PRX: variants seen among roughly 807,000 people sequenced by gnomAD.
PRX encodes the protein periaxin.
In PRX, 24 loss-of-function variants were observed where a neutral mutation model predicts 29.6. The observed-to-expected ratio is 0.81, with a 90% CI of 0.59 to 1.14. PRX has a LOEUF of 1.14. Ranked by LOEUF, PRX falls within the 50% of genes most tolerant of loss-of-function variation. The probability of loss-of-function intolerance (pLI) is 0.00; values close to 1 mark genes in which losing one functional copy is unlikely to be tolerated. For synonymous variants in PRX, 772 were observed against 831.7 expected, an observed-to-expected ratio of 0.93 and a Z score of 1.24; for missense variants, 1,838 against 1,926.4, an observed-to-expected ratio of 0.95 and a Z score of 0.86.
intron 4 of PRX, among the ~76,000 whole-genome samples, chr19:40,404,488 G>A (rs973800298): frequency 5.3e-5 from 8 of 152,084 alleles, no homozygotes; most frequent in Non-Finnish European, 8.8e-5. Flanking sequence ...AGCCAAATGG[G>A]GTATAGAAGG....
rs1385769822 is a variant in PRX, at chr19:40,395,847, G to A, written c.2505C>T (p.Pro835=). ...AEVSGKLVTL[P]CLQPEVDGEA... ...CACCATCCACCTCTGGCTGCAGACA[G>A]GGAAGTGTTACCAGCTTCCCTGAGA... is the stretch of plus-strand genomic sequence containing the variant. The change falls in exon 7 of 7, where the codon CCC becomes CCT. Residue 835 remains proline, a synonymous_variant. Coordinates refer to ENST00000324001, the MANE Select transcript of PRX (RefSeq NM_181882.3). The A allele has an allele frequency of 3.1e-6, 5 of 1,614,082 alleles. No individual in the cohort carries two copies. Among genetic ancestry groups the A allele is most frequent in the East Asian group, 2.2e-5 (1 of 44,890 alleles).
Position 40,395,702 on chromosome 19 carries a change from C to A in PRX, c.2650G>T (p.Gly884Cys), listed in dbSNP as rs781036230. The change falls in exon 7 of 7, where the codon GGC becomes TGC. Residue 884 changes from glycine to cysteine, a missense_variant. Gly to Cys is a radical substitution (Grantham distance 159). Around this residue, in one of 3 missense-constraint regions of PRX, gnomAD observed 1,143 missense variants for 1,193.0 expected, o/e 0.96. Coordinates refer to ENST00000324001, the MANE Select transcript of PRX (RefSeq NM_181882.3). Reference sequence around the variant, plus strand: ...CTGACCCCTGCTGCCACCTCAGGGCCCTCCACCCGCTCTCCCTTGCCCATT... The same window carrying A: ...CTGACCCCTGCTGCCACCTCAGGGCACTCCACCCGCTCTCCCTTGCCCATT... Reference protein sequence around the residue: ...AKMGKGERVEGPEVAAGVREV... With the variant: ...AKMGKGERVECPEVAAGVREV... 6.2e-7 allele frequency: 1 copy of A among 1,613,904 alleles called. No homozygotes were observed. Among genetic ancestry groups the A allele is most frequent in the African/African-American group, 1.3e-5 (1 of 74,880 alleles).
chr19:40,402,839 G>C (rs1282233143), intron 5 of PRX, among the ~76,000 whole-genome samples: 2 of 150,678 alleles, frequency 1.3e-5, no homozygotes, highest in East Asian at 2.0e-4. Flanking sequence ...CTGTTGTTCA[G>C]TTTTGTTCAC....
intron 1 of PRX, 29 bp downstream of exon 1, chr19:40,413,309 G>A (rs2079567343): frequency 6.6e-6 from 1 of 152,386 alleles, no homozygotes; most frequent in Non-Finnish European, 1.5e-5. Flanking sequence ...AGCCTGGCCA[G>A]GGAAGGGACC....
intron 1 of PRX, among the ~76,000 whole-genome samples, chr19:40,411,995 G>C (rs2079560527): frequency 6.6e-6 from 1 of 152,232 alleles, no homozygotes. Flanking sequence ...CCTGGAGTGG[G>C]TACAACTGAG....
In PRX at chr19:40,407,909, G is replaced by A. The variant is rs748840915; in HGVS notation, c.24C>T (p.Ala8=). Residue 8 remains alanine (A), a synonymous_variant, in exon 4 of 7, where the codon GCC becomes GCT. Transcript: ENST00000324001. ...TGCAGGACACGTGGGCACTCACCTC[G>A]GCACTCCGGCTCCTGGCCTCCATGG... MEARSRS[A]EELRRAELVE... is the part of the protein sequence containing the mutation. The A allele has an allele frequency of 9.9e-6, 16 of 1,613,466 alleles. No individual in the cohort carries two copies. Among genetic ancestry groups the A allele is most frequent in the Middle Eastern group, 1.7e-4 (1 of 6,016 alleles).
At position 40,394,525 on chromosome 19, in the gene PRX, A is replaced by G; in HGVS notation, c.3827T>C (p.Leu1276Pro). The G allele has an allele frequency of 1.2e-6, 2 of 1,602,104 alleles. No individual in the cohort carries two copies. The highest frequency in any genetic ancestry group is 1.7e-4 in the Middle Eastern group (1 of 6,050). Residue 1276 changes from leucine (L) to proline (P), a missense_variant, in exon 7 of 7, where the codon CTG becomes CCG. Coordinates refer to ENST00000324001, the MANE Select transcript of PRX (RefSeq NM_181882.3). This position sits in a 1 kb window ranked among gnomAD's most constrained non-coding sequence, Gnocchi z 5.8. ...GGATGGCGAGAGCTCCACGTCGGGC[A>G]GTGAGAGGCAGAAGGTACGCTCGGC... ...PGAERTFCLS[L>P]PDVELSPSGG...
Position 40,397,633 on chromosome 19 carries a change from C to G in PRX, c.719G>C (p.Arg240Pro). Residue 240 changes from arginine to proline, a missense_variant, in exon 7 of 7, where the codon CGG (arginine) becomes CCG (proline). Arg to Pro is a moderately radical substitution (Grantham distance 103). This residue lies in a region of PRX where 666 missense variants were observed against 665.0 expected (regional missense o/e 1.00). Coordinates refer to ENST00000324001, the MANE Select transcript of PRX (RefSeq NM_181882.3). ...TAPQVELVGP[R>P]LPGAEVGVPQ... ...GACACCCACCTCCGCCCCTGGCAGC[C>G]GCGGCCCAACCAGCTCCACCTGAGG... The G allele has an allele frequency of 1.3e-6, 2 of 1,543,140 alleles. No homozygotes were observed. The highest frequency in any genetic ancestry group is 1.2e-5 in the South Asian group (1 of 84,406).
intron 5 of PRX, among the ~76,000 whole-genome samples, chr19:40,402,349 G>A (rs906746088): frequency 6.5e-4 from 98 of 151,606 alleles, no homozygotes; most frequent in African/African-American, 2.2e-3. Context: ...GCAAGACTCC[G>A]TCTCAAAATA....
In PRX at chr19:40,408,051, G is replaced by T. The variant is rs148577357; in HGVS notation, c.-99-20C>A. ...CTGAGCCTGTGGGAGGACAGCAGTG[G>T]AGGCTTGAGGCCAGTAGGGGACGAG... On this transcript the variant is annotated intron_variant, in intron 3 of 6. Transcript: ENST00000324001. 9.6e-6 allele frequency: 13 copies of T among 1,351,744 alleles called. No homozygotes were observed. Among genetic ancestry groups the T allele is most frequent in the Admixed American group, 9.2e-5 (5 of 54,076 alleles). The allele number at this position is 1,351,744 out of a possible 1,614,324, so 83.7% of individuals were successfully genotyped here. A position where few individuals can be genotyped will look rare whatever the true frequency, so the allele number is the denominator to read the frequency against.
intron 4 of PRX, among the ~76,000 whole-genome samples, chr19:40,405,764 GA>G (rs2079526802): frequency 6.8e-6 from 1 of 147,846 alleles, no homozygotes; most frequent in Non-Finnish European, 1.5e-5. Flanking sequence ...TCAGCCTCCC[GA>G]GTAGCTGGGA....
rs2079421805 is a variant in PRX at position 40,395,298 on chromosome 19, C to T, written c.3054G>A (p.Gly1018=). The T allele has an allele frequency of 6.2e-7, 1 of 1,613,520 alleles. No homozygotes were observed. Residue 1018 remains glycine, a synonymous_variant, in exon 7 of 7, where the codon GGG becomes GGA. Transcript: ENST00000324001. ...EVAGADLKFK[G]PRFALPKFGV... ...CAAACTTGGGGAGAGCAAACCTGGG[C>T]CCCTTGAACTTGAGGTCGGCCCCTG...
At chr19:40,402,211 G>A (rs193024311) in intron 5 of PRX, among the ~76,000 whole-genome samples, 148 of 151,698 alleles carry the variant, frequency 9.8e-4, no homozygotes, top group African/African-American at 3.0e-3. Flanking sequence ...AAAATTAGCC[G>A]GGCATGGTGG....
intron 5 of PRX, among the ~76,000 whole-genome samples, chr19:40,403,209 TAATA>T (rs1209697909): frequency 6.6e-6 from 1 of 152,186 alleles, no homozygotes; most frequent in Non-Finnish European, 1.5e-5. Context: ...TAGAAGGCAC[TAATA>T]AATAGTTGTT....
chr19:40,400,492 C>T (rs1364510379), intron 5 of PRX, among the ~76,000 whole-genome samples: 11 of 146,772 alleles, frequency 7.5e-5, no homozygotes, highest in African/African-American at 1.5e-4. Flanking sequence ...CTAGGGAGGC[C>T]GAGGCAGGAG....
At chr19:40,399,903 CTTTT>C (rs59809840) in intron 5 of PRX, among the ~76,000 whole-genome samples, 1 of 60,292 alleles carries the variant, frequency 1.7e-5, no homozygotes, top group African/African-American at 1.1e-4. Context: ...TTCTTTCTTT[CTTTT>C]TCTTTCTTTC....
chr19:40,407,192 A>G lies in PRX; in HGVS notation c.27+714T>C, dbSNP rs565665417. ...GCCATGGGTCCAAGCCCATGTCCTT[A>G]ACTCCTACATTATATGCCCTTGTGT... On this transcript the variant is annotated intron_variant, in intron 4 of 6. Coordinates refer to ENST00000324001, the MANE Select transcript of PRX (RefSeq NM_181882.3). Among the ~76,000 whole-genome samples the G allele has an allele frequency of 6.2e-5, 9 of 145,056 alleles. No homozygotes were observed. In the South Asian group the frequency reaches 1.9e-3, roughly 31 times the overall value.
chr19:40,413,758 C>T (rs80195762), upstream of PRX, among the ~76,000 whole-genome samples: 1,070 of 152,288 alleles, frequency 7.0e-3, 12 homozygotes, highest in African/African-American at 0.024. Flanking sequence ...AATCGCAGCG[C>T]GACCACTTCC....
In PRX at chr19:40,395,867, C is replaced by G; in HGVS notation, c.2485G>C (p.Gly829Arg). The G allele has an allele frequency of 6.2e-7, 1 of 1,614,200 alleles. No homozygotes were observed. Among genetic ancestry groups the G allele is most frequent in the African/African-American group, 1.3e-5 (1 of 75,060 alleles). ...AGACAGGGAAGTGTTACCAGCTTCC[C>G]TGAGACCTCAGCACCCGCCTCGCCT... ...KPGEAGAEVS[G>R]KLVTLPCLQP... The change falls in exon 7 of 7, where the codon GGG becomes CGG. Residue 829 changes from glycine (G) to arginine (R), a missense_variant. By Grantham distance (125) the Gly-to-Arg change is moderately radical (BLOSUM62 -2). Around this residue, in one of 3 missense-constraint regions of PRX, gnomAD observed 1,143 missense variants for 1,193.0 expected, o/e 0.96. Transcript: ENST00000324001.
Sources: allele counts gnomAD v4.1 joint callset (sites outside exome capture counted in the v4.1 genomes callset), GRCh38; gene constraint gnomAD v4.1.1; regional missense constraint gnomAD v4.1.1; non-coding constraint Gnocchi (gnomAD v3.1); transcripts MANE v1.5; gene names NCBI Gene and HGNC (gene_info 2026-07-23, HGNC 2026-07-21).